The following FBN2 variants were observed in gnomAD, a reference collection of about 807,000 sequenced individuals.
The protein encoded by FBN2 is fibrillin-2.
In FBN2, 105 loss-of-function variants were observed where a neutral mutation model predicts 355.6. That is an observed-to-expected ratio of 0.30 (90% CI 0.25 to 0.35). The LOEUF is 0.35. Ranked by LOEUF, FBN2 falls within the 10% of genes least tolerant of loss-of-function variation. FBN2 has a pLI of 1.00. For synonymous variants in FBN2, 1,350 were observed against 1,301.2 expected, an observed-to-expected ratio of 1.04 and a Z score of -0.81; for missense variants, 3,280 against 3,758.7, an observed-to-expected ratio of 0.87 and a Z score of 3.33.
intron 5 of FBN2, among the ~76,000 whole-genome samples, chr5:128,469,876 C>T (rs1754809726): frequency 6.6e-6 from 1 of 152,098 alleles, no homozygotes; most frequent in African/African-American, 2.4e-5. Context: ...GTTCATTTTT[C>T]AACATGTTAC....
rs73784568 is a variant in FBN2 at position 128,310,443 on chromosome 5, T to C, written c.5075-335A>G. Among the ~76,000 whole-genome samples, 265 of 147,322 alleles carry C rather than the reference T, an allele frequency of 1.8e-3. 4 individuals carry two copies. Among genetic ancestry groups the C allele is most frequent in the Non-Finnish European group, 2.1e-3 (142 of 67,144 alleles). ...TTTTATTGCAATTCGCATTCTTCAA[T>C]TGGAATTTCTTTAAAGCCTGCTTTT... On this transcript the variant is annotated intron_variant, in intron 39 of 64. Transcript: ENST00000262464.
chr5:128,440,573 C>T (rs1356298606), intron 7 of FBN2, among the ~76,000 whole-genome samples: 2 of 152,166 alleles, frequency 1.3e-5, no homozygotes, highest in Admixed American at 1.3e-4. Context: ...TCACCTCCCA[C>T]AAGGCCCCTC....
intron 5 of FBN2, among the ~76,000 whole-genome samples, chr5:128,465,143 A>T (rs1391988644): frequency 6.6e-6 from 1 of 152,226 alleles, no homozygotes; most frequent in Admixed American, 6.5e-5. Flanking sequence ...TGGGTGGCTC[A>T]GGGCTGTGTC....
chr5:128,536,798 A>T (rs553926051), intron 1 of FBN2, among the ~76,000 whole-genome samples: 2 of 152,258 alleles, frequency 1.3e-5, no homozygotes, highest in South Asian at 4.1e-4. Flanking sequence ...GAACAAAGGG[A>T]CCATTCCGTT....
intron 8 of FBN2, among the ~76,000 whole-genome samples, chr5:128,399,930 T>A (rs1752754087): frequency 6.6e-6 from 1 of 151,658 alleles, no homozygotes; most frequent in African/African-American, 2.4e-5. Context: ...GTAAGATAAG[T>A]AGGAAGCACA....
Position 128,261,835 on chromosome 5 carries a change from A to G in FBN2, c.8265T>C (p.Asn2755=). 1 of 1,613,976 alleles carries G rather than the reference A, an allele frequency of 6.2e-7. No homozygotes were observed. Among genetic ancestry groups the G allele is most frequent in the Non-Finnish European group, 8.5e-7 (1 of 1,179,832 alleles). The stretch of plus-strand genomic sequence containing the variant: ...CGTAGCATGCTTCTGGGGACAGAGC[A>G]TTTTCCTCATCGACCTCTGTATCCA... ...LSLDTEVDEE[N]ALSPEACYEC... is the part of the protein sequence containing the mutation. The change falls in exon 64 of 65, where the codon AAT becomes AAC. Residue 2755 remains asparagine, a synonymous_variant. Coordinates refer to ENST00000262464, the MANE Select transcript of FBN2 (RefSeq NM_001999.4).
At chr5:128,458,017 C>A (rs985268146) in intron 6 of FBN2, among the ~76,000 whole-genome samples, 3 of 152,074 alleles carry the variant, frequency 2.0e-5, no homozygotes, top group African/African-American at 7.2e-5. Context: ...CACTTATTGG[C>A]AAACTGGATA....
chr5:128,519,374 T>C lies in FBN2; in HGVS notation c.533-6A>G, dbSNP rs56400997. 267 of 1,612,126 alleles carry C rather than the reference T, an allele frequency of 1.7e-4. 1 individual carries two copies. In the East Asian group the frequency reaches 5.8e-3, roughly 35 times the overall value. The stretch of plus-strand genomic sequence containing the variant: ...ACATCCATTTTCACAGACAGCTGCA[T>C]ACAAAAATAGCAAGAAGCTCATTAT... On this transcript the variant is annotated splice_polypyrimidine_tract_variant and splice_region_variant and intron_variant, in intron 4 of 64. Transcript: ENST00000262464.
chr5:128,298,909 C>T (rs1227340814), intron 48 of FBN2, among the ~76,000 whole-genome samples: 6 of 152,268 alleles, frequency 3.9e-5, no homozygotes, highest in East Asian at 3.9e-4. Context: ...GGAGGAGAGG[C>T]GCTCTGCTTT....
chr5:128,380,824 G>A (rs367744600), intron 11 of FBN2, among the ~76,000 whole-genome samples: 5 of 151,878 alleles, frequency 3.3e-5, no homozygotes, highest in African/African-American at 1.2e-4. Flanking sequence ...GACCATGTTC[G>A]TTTTGTCTTG....
chr5:128,305,878 G>C lies in FBN2; in HGVS notation c.5493C>G (p.Phe1831Leu), dbSNP rs145498631. 1.7e-5 allele frequency: 27 copies of C among 1,613,822 alleles called. No individual in the cohort carries two copies. Among genetic ancestry groups the C allele is most frequent in the Non-Finnish European group, 2.3e-5 (27 of 1,179,858 alleles). The change falls in exon 43 of 65, where the codon TTC becomes TTG. Residue 1831 changes from phenylalanine to leucine, a missense_variant. Coordinates refer to ENST00000262464, the MANE Select transcript of FBN2 (RefSeq NM_001999.4). ...NGVCINQIGS[F>L]RCECPTGFSY... ...TGAATCCTGTAGGGCATTCACAGCG[G>C]AAACTGCCAATCTGGTTAATGCACA...
At chr5:128,416,026 C>CTT (rs869186696) in intron 7 of FBN2, among the ~76,000 whole-genome samples, 14 of 132,410 alleles carry the variant, frequency 1.1e-4, no homozygotes, top group Middle Eastern at 3.9e-3. Flanking sequence ...ATAGTTTGCA[C>CTT]TTTTTTTTTT....
rs1581169665 is a variant in FBN2, at chr5:128,258,842, GC to G, written c.*612del. The G allele has an allele frequency of 6.5e-6, 1 of 153,636 alleles. No individual in the cohort carries two copies. The highest frequency in any genetic ancestry group is 1.9e-4 in the East Asian group (1 of 5,204). 9.5% of individuals were successfully genotyped at this position (153,636 alleles called of 1,614,324 possible). ...TGTTTTTTAAATTATTGATTACACTGCCCATTCAGCTCTGTGTGGCTTTCTT... is the reference window on the plus strand; with the variant it reads ...TGTTTTTTAAATTATTGATTACACTGCCATTCAGCTCTGTGTGGCTTTCTT... On this transcript the variant is annotated 3_prime_UTR_variant, in exon 65 of 65. Coordinates refer to ENST00000262464, the MANE Select transcript of FBN2 (RefSeq NM_001999.4).
At chr5:128,513,573 A>G (rs948450074) in intron 5 of FBN2, among the ~76,000 whole-genome samples, 2 of 152,254 alleles carry the variant, frequency 1.3e-5, no homozygotes, top group Non-Finnish European at 2.9e-5. Context: ...AGAGAATAAA[A>G]TATCAGGATC....
chr5:128,263,581 G>A lies in FBN2; in HGVS notation c.8036C>T (p.Ala2679Val). The A allele has an allele frequency of 6.2e-7, 1 of 1,614,120 alleles. No homozygotes were observed. The highest frequency in any genetic ancestry group is 1.1e-5 in the South Asian group (1 of 91,086). The change falls in exon 63 of 65, where the codon GCC (alanine) becomes GTC (valine). Residue 2679 changes from alanine (A) to valine (V), a missense_variant. Around this residue, in one of 6 missense-constraint regions of FBN2, gnomAD observed 311 missense variants for 319.1 expected, o/e 0.97. Transcript: ENST00000262464. ...CYNTLGSYKC[A>V]CPSGFSFDQF... ...GTCGAAGGAGAACCCCGAGGGGCAG[G>A]CGCACTTGTAACTCCCCAGGGTGTT...
chr5:128,301,599 C>T, intron 46 of FBN2, 89 bp from the exon 47 acceptor site: 3 of 1,279,632 alleles, frequency 2.3e-6, no homozygotes, highest in Non-Finnish European at 3.4e-6. Flanking sequence ...TACTTATTGG[C>T]ATGCATTTAT....
At chr5:128,324,952 G>T (rs1750503954) in intron 34 of FBN2, among the ~76,000 whole-genome samples, 1 of 152,094 alleles carries the variant, frequency 6.6e-6, no homozygotes. Context: ...GTTCTAATTT[G>T]GTTGCACTGT....
At position 128,269,818 on chromosome 5, in the gene FBN2, G is replaced by C. The variant is rs574439097; in HGVS notation, c.7960+2181C>G. ...GCCATACTGCCCAAAGTAATTTATAGATTCAATGCTATTCCCATCAAACTA... is the reference window on the plus strand; with the variant it reads ...GCCATACTGCCCAAAGTAATTTATACATTCAATGCTATTCCCATCAAACTA... On this transcript the variant is annotated intron_variant, in intron 62 of 64. Coordinates refer to ENST00000262464, the MANE Select transcript of FBN2 (RefSeq NM_001999.4). Among the ~76,000 whole-genome samples, 7 of 152,198 alleles carry C rather than the reference G, an allele frequency of 4.6e-5. No individual in the cohort carries two copies. The South Asian group carries it at 1.5e-3, about 32-fold the overall frequency.
chr5:128,443,044 T>G (rs1753964385), intron 7 of FBN2, among the ~76,000 whole-genome samples: 1 of 152,154 alleles, frequency 6.6e-6, no homozygotes, highest in Admixed American at 6.5e-5. Flanking sequence ...CCTTTCAGAA[T>G]AAGATTTCTG....
Sources: allele counts gnomAD v4.1 joint callset (sites outside exome capture counted in the v4.1 genomes callset), GRCh38; gene constraint gnomAD v4.1.1; regional missense constraint gnomAD v4.1.1; transcripts MANE v1.5; gene names NCBI Gene and HGNC (gene_info 2026-07-23, HGNC 2026-07-21).